Variants in FMNL3 observed in about 807,000 individuals in gnomAD.
The protein encoded by FMNL3 is formin like 3.
Under a neutral mutation model 119.6 loss-of-function variants are expected in FMNL3, and 57 were observed. That is an observed-to-expected ratio of 0.48 (90% confidence interval 0.39 to 0.59). FMNL3 has a LOEUF of 0.59. Ranked by LOEUF, FMNL3 falls within the 20% of genes least tolerant of loss-of-function variation. The pLI is 0.00. For synonymous variants in FMNL3, 491 were observed against 507.3 expected (o/e 0.97, Z 0.43); for missense variants, 1,053 against 1,323.5 (o/e 0.80, Z 3.17).
chr12:49,685,808 T>G (rs2138972128), intron 1 of FMNL3, among the ~76,000 whole-genome samples: 1 of 152,360 alleles, frequency 6.6e-6, no homozygotes, highest in East Asian at 1.9e-4. Context: ...GGCTCACAAC[T>G]GTAATCCCAG....
chr12:49,663,325 G>A (rs987049970), intron 4 of FMNL3, among the ~76,000 whole-genome samples: 2 of 152,210 alleles, frequency 1.3e-5, no homozygotes, highest in Non-Finnish European at 2.9e-5. Context: ...AGCTGGAGAG[G>A]CTCTGGAATC....
chr12:49,678,234 C>G (rs1944245465), intron 1 of FMNL3, among the ~76,000 whole-genome samples: 1 of 151,606 alleles, frequency 6.6e-6, no homozygotes, highest in Non-Finnish European at 1.5e-5. Flanking sequence ...CTCGGCTCAC[C>G]ACAACCTCTG....
At chr12:49,659,909 A>G in intron 5 of FMNL3, 2 of 985,462 alleles carry the variant, frequency 2.0e-6, no homozygotes, top group Non-Finnish European at 2.4e-6. Flanking sequence ...TTCTCCCCCA[A>G]GAAGCATTCT....
rs1288618732 is a variant in FMNL3 at position 49,675,306 on chromosome 12, GC to G, written c.127-6753del. Among the ~76,000 whole-genome samples, 9 of 152,284 alleles carry G rather than the reference GC, an allele frequency of 5.9e-5. No individual in the cohort carries two copies. The East Asian group carries it at 1.7e-3, about 29-fold the overall frequency. On this transcript the variant is annotated intron_variant, in intron 1 of 25. Coordinates refer to ENST00000335154, the MANE Select transcript of FMNL3 (RefSeq NM_175736.5). The stretch of plus-strand genomic sequence containing the variant: ...ACTTGATCTGTCTATTGGCTCCTCG[GC>G]CCCTCCTCGTGGTTAGCCAGACCCA...
chr12:49,660,071 G>T, intron 5 of FMNL3: 1 of 476,296 alleles, frequency 2.1e-6, no homozygotes, highest in African/African-American at 2.1e-5. Context: ...GTAGACATCA[G>T]AGGAACCTCC....
Position 49,642,485 on chromosome 12 carries a change from CCTTT to C in FMNL3, c.*3326_*3329del. On this transcript the variant is annotated 3_prime_UTR_variant, in exon 26 of 26. Transcript: ENST00000335154. The surrounding 1 kb of genome is among the most constrained non-coding windows in gnomAD (Gnocchi z 5.8). Reference sequence around the variant, plus strand: ...GCCCTGGGCCAGCTCCAGTTCCCTTCCTTTCTCTGCCCCAGCCCTGCCCTGTGCT... The same window carrying C: ...GCCCTGGGCCAGCTCCAGTTCCCTTCCTCTGCCCCAGCCCTGCCCTGTGCT... 3 of 1,574,968 alleles carry C rather than the reference CCTTT, an allele frequency of 1.9e-6. No individual in the cohort carries two copies. The South Asian group carries it at 3.4e-5, about 18-fold the overall frequency.
At chr12:49,691,334 G>T (rs1301102693) in intron 1 of FMNL3, among the ~76,000 whole-genome samples, 1 of 152,182 alleles carries the variant, frequency 6.6e-6, no homozygotes, top group Non-Finnish European at 1.5e-5. Flanking sequence ...TAGAGAAAAT[G>T]ATTGTCACGG....
chr12:49,649,255 T>C lies in FMNL3; in HGVS notation c.2385+4A>G, dbSNP rs1233735999. The C allele has an allele frequency of 6.2e-7, 1 of 1,614,168 alleles. No individual in the cohort carries two copies. Among genetic ancestry groups the C allele is most frequent in the East Asian group, 2.2e-5 (1 of 44,882 alleles). ...CCTGGCCCACGCTGCCCTCACCATC[T>C]TACCAGATCCAGGCTCTGGAGCTTG... On this transcript the variant is annotated splice_donor_region_variant and intron_variant, in intron 20 of 25. Coordinates refer to ENST00000335154, the MANE Select transcript of FMNL3 (RefSeq NM_175736.5). This position sits in a 1 kb window ranked among gnomAD's most constrained non-coding sequence, Gnocchi z 5.6.
At chr12:49,706,026 G>C (rs1030800807) in intron 1 of FMNL3, among the ~76,000 whole-genome samples, 6 of 151,958 alleles carry the variant, frequency 3.9e-5, no homozygotes, top group Middle Eastern at 3.4e-3. Context: ...AATAACGCCA[G>C]AATTATTACT....
chr12:49,671,445 A>G (rs1421953782), intron 1 of FMNL3, among the ~76,000 whole-genome samples: 1 of 152,248 alleles, frequency 6.6e-6, no homozygotes, highest in Non-Finnish European at 1.5e-5. Flanking sequence ...GAAGTGTGAT[A>G]GGGAAGGAGG....
At chr12:49,656,285 G>T in intron 9 of FMNL3, 119 bp downstream of exon 9, 1 of 702,472 alleles carries the variant, frequency 1.4e-6, no homozygotes, top group Non-Finnish European at 2.4e-6. Context: ...GAGGCTGCTT[G>T]GCCAAGCATT....
At position 49,642,497 on chromosome 12, in the gene FMNL3, C is replaced by T; in HGVS notation, c.*3318G>A. The T allele has an allele frequency of 1.3e-6, 2 of 1,580,194 alleles. No individual in the cohort carries two copies. Among genetic ancestry groups the T allele is most frequent in the South Asian group, 2.2e-5 (2 of 89,692 alleles). The stretch of plus-strand genomic sequence containing the variant: ...CTCCAGTTCCCTTCCTTTCTCTGCC[C>T]CAGCCCTGCCCTGTGCTCATGGCGG... On this transcript the variant is annotated 3_prime_UTR_variant, in exon 26 of 26. Coordinates refer to ENST00000335154, the MANE Select transcript of FMNL3 (RefSeq NM_175736.5). This position sits in a 1 kb window ranked among gnomAD's most constrained non-coding sequence, Gnocchi z 5.8.
chr12:49,694,875 G>A (rs1296186056), intron 1 of FMNL3, among the ~76,000 whole-genome samples: 1 of 151,900 alleles, frequency 6.6e-6, no homozygotes, highest in African/African-American at 2.4e-5. Context: ...TTGCGCCACT[G>A]CACTCCAGCC....
In FMNL3 at chr12:49,652,192, G is replaced by C; in HGVS notation, c.1344C>G (p.Ser448Arg). The C allele has an allele frequency of 6.2e-7, 1 of 1,613,036 alleles. No homozygotes were observed. Among genetic ancestry groups the C allele is most frequent in the Non-Finnish European group, 8.5e-7 (1 of 1,179,736 alleles). The change falls in exon 14 of 26, where the codon AGC (serine) becomes AGG (arginine). Residue 448 changes from serine to arginine, a missense_variant. Ser to Arg is a moderately radical substitution (Grantham distance 110). This residue lies in a region of FMNL3 where 445 missense variants were observed against 628.4 expected (regional missense o/e 0.71). Coordinates refer to ENST00000335154, the MANE Select transcript of FMNL3 (RefSeq NM_175736.5). ...GCCTCCGCAGGGTGTGCACCTGGTG[G>C]CTTGTGTTCTCATATGTCTCCTGGC... ...ESIKETYENT[S>R]HQVHTLRRLI...
In FMNL3 at chr12:49,650,779, C is replaced by A; in HGVS notation, c.1897G>T (p.Ala633Ser). The change falls in exon 17 of 26, where the codon GCC becomes TCC. Residue 633 changes from alanine to serine, a missense_variant. By Grantham distance (99) the Ala-to-Ser change is moderately conservative. Around this residue, in one of 4 missense-constraint regions of FMNL3, gnomAD observed 445 missense variants for 628.4 expected, o/e 0.71. Coordinates refer to ENST00000335154, the MANE Select transcript of FMNL3 (RefSeq NM_175736.5). ...CSKNKTAQKA[A>S]SKVTLLEANR... is the part of the protein sequence containing the mutation. ...GCTTCCAACAGAGTCACCTTGCTGG[C>A]AGCTTTTTGCGCTGTCTTGTTTTTG... 4.3e-6 allele frequency: 7 copies of A among 1,614,228 alleles called. No individual in the cohort carries two copies. The highest frequency in any genetic ancestry group is 5.9e-6 in the Non-Finnish European group (7 of 1,180,036).
In FMNL3 at chr12:49,643,297, A is replaced by T. The variant is rs1419957635; in HGVS notation, c.*2518T>A. 3 of 1,613,240 alleles carry T rather than the reference A, an allele frequency of 1.9e-6. No homozygotes were observed. Among genetic ancestry groups the T allele is most frequent in the Non-Finnish European group, 2.5e-6 (3 of 1,179,752 alleles). Reference sequence around the variant, plus strand: ...CCAAGCGGAGGAGGCGGAACCCCTCAGAGTCAGGCTCTGAGCCCTCTTCCT... The same window carrying T: ...CCAAGCGGAGGAGGCGGAACCCCTCTGAGTCAGGCTCTGAGCCCTCTTCCT... On this transcript the variant is annotated 3_prime_UTR_variant, in exon 26 of 26. Coordinates refer to ENST00000335154, the MANE Select transcript of FMNL3 (RefSeq NM_175736.5).
chr12:49,653,848 C>T lies in FMNL3; in HGVS notation c.1098G>A (p.Lys366=), dbSNP rs780444538. The T allele has an allele frequency of 5.6e-6, 9 of 1,614,204 alleles. No individual in the cohort carries two copies. The Admixed American group carries it at 8.3e-5, about 15-fold the overall frequency. The change falls in exon 12 of 26, where the codon AAG becomes AAA. Residue 366 remains lysine, a synonymous_variant. Transcript: ENST00000335154. Reference sequence around the variant, plus strand: ...GATATGCCTGAATCTGCACCTGCAGCTTCTCGCTCTCTGTGTGCCTTGACT... The same window carrying T: ...GATATGCCTGAATCTGCACCTGCAGTTTCTCGCTCTCTGTGTGCCTTGACT... ...LQKSRHTESE[K]LQVQIQAYLD...
chr12:49,672,391 T>G (rs1422823432), intron 1 of FMNL3, among the ~76,000 whole-genome samples: 1 of 152,008 alleles, frequency 6.6e-6, no homozygotes, highest in Non-Finnish European at 1.5e-5. Context: ...GAAGATGAAC[T>G]CAAACTGAAA....
At chr12:49,651,695 T>A (rs538842700) in intron 14 of FMNL3, among the ~76,000 whole-genome samples, 1 of 152,320 alleles carries the variant, frequency 6.6e-6, no homozygotes, top group South Asian at 2.1e-4. Flanking sequence ...TTCAAAGGAA[T>A]TGGGAGCAAC....
Sources: gnomAD v4.1 joint callset for allele counts (sites outside exome capture counted in the v4.1 genomes callset) on GRCh38, gnomAD v4.1.1 for gene constraint, gnomAD v4.1.1 regional missense constraint, Gnocchi (gnomAD v3.1) non-coding constraint, MANE v1.5 for transcripts, NCBI Gene and HGNC (gene_info 2026-07-23, HGNC 2026-07-21) for gene names.